NRXN1: variants seen among roughly 807,000 people sequenced by gnomAD.
NRXN1 encodes the protein neurexin 1, also known as neurexin-1.
In NRXN1, 39 loss-of-function variants were observed where a neutral mutation model predicts 150.9. The ratio of observed to expected loss-of-function variants is 0.26; its 90% CI spans 0.20 to 0.34. The LOEUF (loss-of-function observed/expected upper bound fraction) is 0.34, where lower values mean the gene tolerates loss of function less well. Ranked by LOEUF, NRXN1 falls within the 10% of genes least tolerant of loss-of-function variation. The pLI is 1.00. For synonymous variants in NRXN1, 924 were observed against 757.0 expected (o/e 1.22, Z -3.62); for missense variants, 1,815 against 1,949.9 (o/e 0.93, Z 1.30).
chr2:50,082,025 A>G (rs549158432), intron 19 of NRXN1, among the ~76,000 whole-genome samples: 60 of 152,312 alleles, frequency 3.9e-4, no homozygotes, highest in African/African-American at 1.3e-3. Flanking sequence ...ATACCATCTG[A>G]AGTTTCCTAA....
At chr2:50,859,241 T>C (rs1162976947) in intron 5 of NRXN1, among the ~76,000 whole-genome samples, 1 of 151,968 alleles carries the variant, frequency 6.6e-6, no homozygotes, top group African/African-American at 2.4e-5. Flanking sequence ...ATTCACACTG[T>C]GTCTTCCAGC....
chr2:50,316,196 G>A, intron 17 of NRXN1, among the ~76,000 whole-genome samples: 1 of 152,058 alleles, frequency 6.6e-6, no homozygotes, highest in South Asian at 2.1e-4. Flanking sequence ...GTTGGGGGAA[G>A]AGGATTTGGT....
rs142335423 is a variant in NRXN1, at chr2:50,215,853, T to C, written c.3546+20936A>G. On this transcript the variant is annotated intron_variant, in intron 18 of 22. Transcript: ENST00000401669. ...ATGTATCTCATGCTTTGCCCAACCA[T>C]ATAGCCTTATGCAAAGTGAATTCTC... Among the ~76,000 whole-genome samples, 20 of 152,190 alleles carry C rather than the reference T, an allele frequency of 1.3e-4. No homozygotes were observed. In the Middle Eastern group the frequency reaches 0.01, roughly 78 times the overall value.
chr2:50,458,207 C>T (rs59986012), intron 17 of NRXN1, among the ~76,000 whole-genome samples: 9,380 of 152,022 alleles, frequency 0.062, 388 homozygotes, highest in African/African-American at 0.11. Flanking sequence ...CATGTTCTCA[C>T]TCATATGTGC....
At chr2:50,021,958 C>T (rs1183975103) in intron 21 of NRXN1, among the ~76,000 whole-genome samples, 1 of 152,216 alleles carries the variant, frequency 6.6e-6, no homozygotes, top group Non-Finnish European at 1.5e-5. Context: ...TCAAGAGATT[C>T]TCCTGTCTCA....
At chr2:50,435,726 C>G (rs547103699) in intron 17 of NRXN1, among the ~76,000 whole-genome samples, 5 of 152,248 alleles carry the variant, frequency 3.3e-5, no homozygotes, top group African/African-American at 1.2e-4. Flanking sequence ...CCAGACTGTT[C>G]TCACTATCAA....
intron 21 of NRXN1, among the ~76,000 whole-genome samples, chr2:50,043,903 A>T (rs1691402271): frequency 1.3e-5 from 2 of 152,052 alleles, no homozygotes. Context: ...CTCTTATTTG[A>T]GATTTGGGTC....
Position 50,538,553 on chromosome 2 carries a change from G to C in NRXN1, c.1843C>G (p.Leu615Val). The C allele has an allele frequency of 1.3e-6, 2 of 1,577,542 alleles. No individual in the cohort carries two copies. Among genetic ancestry groups the C allele is most frequent in the East Asian group, 2.2e-5 (1 of 44,550 alleles). The stretch of plus-strand genomic sequence containing the variant: ...GCTTTATTTTCTGGCAGCCCCCCCA[G>C]GTACAACTCATCATCCAGGTCCAGA... ...EILDLDDELY[L>V]GGLPENKAGL... The change falls in exon 10 of 23, where the codon CTG becomes GTG. Residue 615 changes from leucine to valine, a missense_variant. Leu to Val is a conservative substitution (Grantham distance 32). This residue lies in a region of NRXN1 where 638 missense variants were observed against 652.6 expected (regional missense o/e 0.98). Transcript: ENST00000401669.
At chr2:50,610,727 T>C (rs1463479182) in intron 8 of NRXN1, among the ~76,000 whole-genome samples, 5 of 125,752 alleles carry the variant, frequency 4.0e-5, no homozygotes, top group Middle Eastern at 4.2e-3. Flanking sequence ...ACTATAGTCA[T>C]TACTAGAACA....
chr2:50,209,865 A>G (rs545376567), intron 18 of NRXN1, among the ~76,000 whole-genome samples: 1 of 108,284 alleles, frequency 9.2e-6, no homozygotes, highest in African/African-American at 3.8e-5. Flanking sequence ...CTCTGCAATA[A>G]TTCACTTTGT....
At chr2:50,891,976 C>T (rs1199712559) in intron 5 of NRXN1, among the ~76,000 whole-genome samples, 2 of 152,044 alleles carry the variant, frequency 1.3e-5, no homozygotes. Context: ...ACAAAAATCC[C>T]TGTACTTAAG....
At chr2:50,147,936 T>C (rs779076346) in intron 18 of NRXN1, among the ~76,000 whole-genome samples, 1 of 151,656 alleles carries the variant, frequency 6.6e-6, no homozygotes, top group Non-Finnish European at 1.5e-5. Flanking sequence ...GCTTACAAAG[T>C]CTAGATGTGA....
chr2:50,936,546 G>A (rs987710043), intron 2 of NRXN1, among the ~76,000 whole-genome samples: 1 of 152,118 alleles, frequency 6.6e-6, no homozygotes, highest in South Asian at 2.1e-4. Context: ...GCTTGTGGCA[G>A]TACCTAGTAG....
chr2:50,711,137 C>A (rs1343541521), intron 5 of NRXN1, among the ~76,000 whole-genome samples: 1 of 152,134 alleles, frequency 6.6e-6, no homozygotes, highest in Admixed American at 6.6e-5. Flanking sequence ...CCCTGCGTAG[C>A]AAACACTAGT....
At chr2:50,100,189 G>A (rs920106049) in intron 18 of NRXN1, among the ~76,000 whole-genome samples, 8 of 152,116 alleles carry the variant, frequency 5.3e-5, no homozygotes, top group Non-Finnish European at 8.8e-5. Context: ...TGAAGTATCA[G>A]TAATCTGTGA....
intron 5 of NRXN1, among the ~76,000 whole-genome samples, chr2:50,710,656 A>G (rs1358734533): frequency 1.3e-5 from 2 of 152,318 alleles, no homozygotes; most frequent in Non-Finnish European, 2.9e-5. Context: ...AAAAAGTGTC[A>G]AAAATAAATG....
chr2:50,737,507 A>G (rs1698912026), intron 5 of NRXN1, among the ~76,000 whole-genome samples: 1 of 152,198 alleles, frequency 6.6e-6, no homozygotes, highest in African/African-American at 2.4e-5. Flanking sequence ...AATGTAAATG[A>G]TAGAGCTGGG....
intron 20 of NRXN1, 35 bp from the exon 21 acceptor site, chr2:50,053,625 T>G: frequency 6.2e-7 from 1 of 1,602,274 alleles, no homozygotes; most frequent in African/African-American, 1.3e-5. Flanking sequence ...GCAAAAATGT[T>G]GATTGTGAAC....
chr2:50,407,760 C>G (rs1034359345), intron 17 of NRXN1, among the ~76,000 whole-genome samples: 1 of 152,080 alleles, frequency 6.6e-6, no homozygotes, highest in African/African-American at 2.4e-5. Context: ...AGCAAAAAGG[C>G]CCTCACCAGA....
Sources: allele counts gnomAD v4.1 joint callset (sites outside exome capture counted in the v4.1 genomes callset), GRCh38; gene constraint gnomAD v4.1.1; regional missense constraint gnomAD v4.1.1; transcripts MANE v1.5; gene names NCBI Gene and HGNC (gene_info 2026-07-23, HGNC 2026-07-21).